The following PIK3C2G variants were observed in gnomAD, a reference collection of about 807,000 sequenced individuals.
The protein encoded by PIK3C2G is phosphatidylinositol 3-kinase C2 domain-containing subunit gamma.
PIK3C2G carries 168 observed loss-of-function variants against 181.1 expected under a neutral mutation model. That is an observed-to-expected ratio of 0.93 (90% confidence interval 0.82 to 1.05). The LOEUF (loss-of-function observed/expected upper bound fraction) is 1.05, where lower values mean the gene tolerates loss of function less well. PIK3C2G is among the 50% of genes least tolerant of loss of function. The pLI, the probability that PIK3C2G is intolerant of heterozygous loss-of-function variation, is 0.00. For synonymous variants in PIK3C2G, 573 were observed against 592.2 expected (o/e 0.97, Z 0.47); for missense variants, 1,869 against 1,732.8 (o/e 1.08, Z -1.40).
At chr12:18,642,005 TC>T (rs1283624797) in intron 32 of PIK3C2G, among the ~76,000 whole-genome samples, 1 of 152,124 alleles carries the variant, frequency 6.6e-6, no homozygotes, top group African/African-American at 2.4e-5. Flanking sequence ...CGCCTCAGCC[TC>T]CCAAAATGTT....
chr12:18,343,200 G>A (rs1371305448), intron 9 of PIK3C2G, 127 bp from the exon 10 acceptor site: 4 of 607,478 alleles, frequency 6.6e-6, no homozygotes, highest in African/African-American at 5.8e-5. Flanking sequence ...GATATATGAT[G>A]CCAAGAAATA....
the PIK3C2G span, chr12:18,696,206 CT>C: frequency 1.9e-6 from 3 of 1,601,558 alleles, no homozygotes; most frequent in East Asian, 6.7e-5. Flanking sequence ...AGAGTCTGCT[CT>C]TGTTGCTTTG....
chr12:18,384,404 G>A lies in PIK3C2G; in HGVS notation c.1995+2524G>A, dbSNP rs1465453456. ...GATACCTTGCATTTTATATAGGCCT[G>A]TGGGGTGTGTAAGTGTAGATATAAG... On this transcript the variant is annotated intron_variant, in intron 14 of 32. Transcript: ENST00000538779. Among the ~76,000 whole-genome samples the A allele has an allele frequency of 2.0e-5, 3 of 152,186 alleles. No individual in the cohort carries two copies. The East Asian group carries it at 5.8e-4, about 29-fold the overall frequency.
At chr12:18,363,337 T>C (rs888520147) in intron 12 of PIK3C2G, among the ~76,000 whole-genome samples, 4 of 152,176 alleles carry the variant, frequency 2.6e-5, no homozygotes, top group African/African-American at 9.6e-5. Flanking sequence ...TAAACATCTA[T>C]AGATGTGTAA....
In PIK3C2G at chr12:18,346,716, A is replaced by C. The variant is rs752464101; in HGVS notation, c.1505A>C (p.Tyr502Ser). 11 of 1,613,436 alleles carry C rather than the reference A, an allele frequency of 6.8e-6. No individual in the cohort carries two copies. Among genetic ancestry groups the C allele is most frequent in the Non-Finnish European group, 9.3e-6 (11 of 1,179,466 alleles). Residue 502 changes from tyrosine (Y) to serine (S), a missense_variant, in exon 11 of 33, where the codon TAT (tyrosine) becomes TCT (serine). By Grantham distance (144) the Tyr-to-Ser change is moderately radical. Coordinates refer to ENST00000538779, the MANE Select transcript of PIK3C2G (RefSeq NM_001288772.2). ...ATCAATGTCTACTGTAACAGCTTTTATGCAGATTTTCAGCCTGTAAATGTA... is the reference window on the plus strand; with the variant it reads ...ATCAATGTCTACTGTAACAGCTTTTCTGCAGATTTTCAGCCTGTAAATGTA... ...QLINVYCNSF[Y>S]ADFQPVNVPR...
chr12:18,695,709 A>G, the PIK3C2G span, among the ~76,000 whole-genome samples: 1 of 152,120 alleles, frequency 6.6e-6, no homozygotes, highest in Non-Finnish European at 1.5e-5. Context: ...ATTTGGAATA[A>G]GAGTCTGGTG....
At chr12:18,506,083 T>C (rs1941813067) in intron 24 of PIK3C2G, among the ~76,000 whole-genome samples, 1 of 152,164 alleles carries the variant, frequency 6.6e-6, no homozygotes, top group Non-Finnish European at 1.5e-5. Context: ...GGGGATACTA[T>C]TTTAAAGAGG....
chr12:18,660,539 T>C, the PIK3C2G span, among the ~76,000 whole-genome samples: 18,811 of 151,970 alleles, frequency 0.12, 1,378 homozygotes, highest in African/African-American at 0.2. Context: ...ACCACATATA[T>C]AGAGGAAATT....
At chr12:18,608,347 C>A (rs1274983491) in intron 30 of PIK3C2G, among the ~76,000 whole-genome samples, 1 of 151,910 alleles carries the variant, frequency 6.6e-6, no homozygotes, top group Non-Finnish European at 1.5e-5. Flanking sequence ...GAAAATGTGG[C>A]ACATATACAC....
intron 25 of PIK3C2G, among the ~76,000 whole-genome samples, chr12:18,545,114 G>T (rs1944355174): frequency 6.6e-6 from 1 of 151,634 alleles, no homozygotes; most frequent in Non-Finnish European, 1.5e-5. Context: ...CCTTAATGTT[G>T]CCAGAATGTC....
intron 15 of PIK3C2G, among the ~76,000 whole-genome samples, chr12:18,395,092 TTTCTTTCTTTCA>T (rs1943790548): frequency 1.3e-5 from 2 of 151,012 alleles, no homozygotes; most frequent in South Asian, 2.1e-4. Context: ...TCCTTCTTTC[TTTCTTTCTTTCA>T]TTCTTTCTTT....
At chr12:18,715,190 A>G in the PIK3C2G span, among the ~76,000 whole-genome samples, 59 of 1,752 alleles carry the variant, frequency 0.034, no homozygotes, top group Admixed American at 0.18. Context: ...GGGCGGAGGG[A>G]GGGAGAGAGA....
In PIK3C2G at chr12:18,292,227, A is replaced by AAATATAT; in HGVS notation, c.919+1216_919+1217insATATATA. 2.4e-3 allele frequency among the ~76,000 whole-genome samples: 117 copies of AAATATAT among 48,714 alleles called. 3 individuals carry two copies. The highest frequency in any genetic ancestry group is 7.5e-3 in the East Asian group (11 of 1,470). The allele number at this position is 48,714 out of a possible 152,430, so 32.0% of individuals were successfully genotyped here. On this transcript the variant is annotated intron_variant, in intron 4 of 32. Transcript: ENST00000538779. ...CTCCATCTCAAAAAAAAAAAAAAAA[A>AAATATAT]ATATATATATATATATATATATATA...
chr12:18,503,436 C>T lies in PIK3C2G; in HGVS notation c.3153+19C>T. Reference sequence around the variant, plus strand: ...TGAAAAGGTTTGTCCTGTTGCAGATCATTTTAAATAATGTACTTAAATAAG... The same window carrying T: ...TGAAAAGGTTTGTCCTGTTGCAGATTATTTTAAATAATGTACTTAAATAAG... On this transcript the variant is annotated intron_variant, in intron 23 of 32. Transcript: ENST00000538779. 1 of 1,551,106 alleles carries T rather than the reference C, an allele frequency of 6.4e-7. No individual in the cohort carries two copies. The highest frequency in any genetic ancestry group is 8.7e-7 in the Non-Finnish European group (1 of 1,145,362).
intron 24 of PIK3C2G, among the ~76,000 whole-genome samples, chr12:18,528,792 G>T (rs1943383343): frequency 1.3e-5 from 2 of 152,104 alleles, no homozygotes; most frequent in African/African-American, 2.4e-5. Flanking sequence ...GCTTGTCACT[G>T]GCCTGGCACA....
chr12:18,263,819 C>CT (rs1387676328), intron 1 of PIK3C2G, among the ~76,000 whole-genome samples: 1 of 152,040 alleles, frequency 6.6e-6, no homozygotes, highest in Non-Finnish European at 1.5e-5. Flanking sequence ...TCTCATTTAG[C>CT]TTTTTTTCTT....
At chr12:18,494,427 T>C (rs1940836856) in intron 20 of PIK3C2G, among the ~76,000 whole-genome samples, 2 of 152,112 alleles carry the variant, frequency 1.3e-5, no homozygotes, top group African/African-American at 4.8e-5. Flanking sequence ...TCTGTGTGTG[T>C]ACCACCAAAT....
At chr12:18,687,443 T>G in the PIK3C2G span, among the ~76,000 whole-genome samples, 1 of 152,140 alleles carries the variant, frequency 6.6e-6, no homozygotes, top group African/African-American at 2.4e-5. Flanking sequence ...CAGGGATCAA[T>G]CCCAGGAACC....
intron 18 of PIK3C2G, among the ~76,000 whole-genome samples, chr12:18,462,578 T>C (rs74070269): frequency 0.014 from 2,185 of 152,236 alleles, 63 homozygotes; most frequent in African/African-American, 0.05. Flanking sequence ...AAAGCATGGA[T>C]GACTCTGAAA....
Sources: gnomAD v4.1 joint callset for allele counts (sites outside exome capture counted in the v4.1 genomes callset) on GRCh38, gnomAD v4.1.1 for gene constraint, MANE v1.5 for transcripts, NCBI Gene and HGNC (gene_info 2026-07-23, HGNC 2026-07-21) for gene names.